RBMS1: variants seen among roughly 807,000 people sequenced by gnomAD.
RBMS1 encodes the protein RNA binding motif single stranded interacting protein 1.
A neutral mutation model predicts 62.3 loss-of-function variants in RBMS1; 17 were observed. The ratio of observed to expected loss-of-function variants is 0.27; its 90% CI spans 0.19 to 0.41. RBMS1 has a LOEUF of 0.41. RBMS1 is among the 10% of genes least tolerant of loss of function. The pLI, the probability that RBMS1 is intolerant of heterozygous loss-of-function variation, is 1.00. For synonymous variants in RBMS1, 172 were observed against 170.0 expected, an observed-to-expected ratio of 1.01 and a Z score of -0.09; for missense variants, 334 against 504.5, an observed-to-expected ratio of 0.66 and a Z score of 3.24.
At chr2:160,318,051 A>T in intron 3 of RBMS1, 118 bp downstream of exon 3, 1 of 1,408,742 alleles carries the variant, frequency 7.1e-7, no homozygotes, top group Non-Finnish European at 9.6e-7. Flanking sequence ...AAACTGGGTG[A>T]TATATAAGAT....
In RBMS1 at chr2:160,275,478, T is replaced by G. The variant is rs530712703; in HGVS notation, c.*7+152A>C. On this transcript the variant is annotated intron_variant, in intron 13 of 13. Coordinates refer to ENST00000348849, the MANE Select transcript of RBMS1 (RefSeq NM_016836.4). ...AATCTTAAATTCATAAAATCACTGATTTTAATATTTCAACAAGACTAGATG... is the reference window on the plus strand; with the variant it reads ...AATCTTAAATTCATAAAATCACTGAGTTTAATATTTCAACAAGACTAGATG... The G allele has an allele frequency of 3.8e-6, 5 of 1,314,362 alleles. No individual in the cohort carries two copies. In the South Asian group the frequency reaches 8.7e-5, roughly 23 times the overall value. The allele number at this position is 1,314,362 out of a possible 1,614,324, so 81.4% of individuals were successfully genotyped here.
intron 1 of RBMS1, among the ~76,000 whole-genome samples, chr2:160,465,807 T>C (rs1684661452): frequency 6.6e-6 from 1 of 151,006 alleles, no homozygotes; most frequent in Admixed American, 6.6e-5. Context: ...AAACTCCAGG[T>C]ACAAAGGGGC....
intron 1 of RBMS1, among the ~76,000 whole-genome samples, chr2:160,396,331 G>A (rs1246014028): frequency 6.6e-6 from 1 of 152,086 alleles, no homozygotes; most frequent in African/African-American, 2.4e-5. Flanking sequence ...AGTAGTTAGA[G>A]GGAGGTGTAA....
chr2:160,355,340 C>A (rs977464277), intron 2 of RBMS1, among the ~76,000 whole-genome samples: 1 of 152,064 alleles, frequency 6.6e-6, no homozygotes, highest in South Asian at 2.1e-4. Flanking sequence ...GTTTAATAGC[C>A]ACACCAAAAG....
chr2:160,284,734 C>T (rs781271416), intron 9 of RBMS1, 41 bp downstream of exon 9: 30 of 1,388,924 alleles, frequency 2.2e-5, no homozygotes, highest in South Asian at 1.2e-4. Flanking sequence ...ATTCATGGTC[C>T]GCAAGTGGTT....
In RBMS1 at chr2:160,421,804, C is replaced by T. The variant is rs565675804; in HGVS notation, c.76-54413G>A. ...TTCTATTTCTCCACATCCTCTCCAGCACCTGTGGTTTCCTGACTTTTTAAT... is the reference window on the plus strand; with the variant it reads ...TTCTATTTCTCCACATCCTCTCCAGTACCTGTGGTTTCCTGACTTTTTAAT... On this transcript the variant is annotated intron_variant, in intron 1 of 13. Transcript: ENST00000348849. Among the ~76,000 whole-genome samples the T allele has an allele frequency of 2.0e-5, 3 of 152,334 alleles. No homozygotes were observed. In the South Asian group the frequency reaches 6.2e-4, roughly 32 times the overall value.
intron 6 of RBMS1, among the ~76,000 whole-genome samples, chr2:160,292,471 C>T (rs1395949596): frequency 1.3e-5 from 2 of 152,170 alleles, no homozygotes; most frequent in Admixed American, 6.6e-5. Context: ...GGTCTAAACA[C>T]TTGGGGACTG....
chr2:160,341,669 TG>T (rs1409850524), intron 2 of RBMS1, among the ~76,000 whole-genome samples: 1 of 152,146 alleles, frequency 6.6e-6, no homozygotes, highest in Admixed American at 6.5e-5. Context: ...CTCCTAGAAA[TG>T]GGTGTTCATA....
intron 2 of RBMS1, among the ~76,000 whole-genome samples, chr2:160,326,473 C>A (rs1205661023): frequency 6.6e-6 from 1 of 151,994 alleles, no homozygotes; most frequent in Non-Finnish European, 1.5e-5. Flanking sequence ...CTCTGTAGGA[C>A]AATAAAGAAT....
intron 1 of RBMS1, among the ~76,000 whole-genome samples, chr2:160,470,684 C>T (rs1329008402): frequency 2.0e-5 from 3 of 152,096 alleles, no homozygotes; most frequent in African/African-American, 7.2e-5. Context: ...CCATCCGTGG[C>T]CCTCATCTTA....
chr2:160,319,830 C>T (rs1358616976), intron 2 of RBMS1, among the ~76,000 whole-genome samples: 1 of 152,172 alleles, frequency 6.6e-6, no homozygotes, highest in Admixed American at 6.5e-5. Flanking sequence ...CACTTCTCTC[C>T]TTCAGTTAAT....
intron 1 of RBMS1, among the ~76,000 whole-genome samples, chr2:160,475,477 C>T (rs988571745): frequency 1.3e-5 from 2 of 152,226 alleles, no homozygotes; most frequent in Non-Finnish European, 2.9e-5. Flanking sequence ...GGCTTCCCCT[C>T]CAGGTTCTGG....
At chr2:160,420,882 C>G (rs910622924) in intron 1 of RBMS1, among the ~76,000 whole-genome samples, 1 of 152,174 alleles carries the variant, frequency 6.6e-6, no homozygotes, top group African/African-American at 2.4e-5. Flanking sequence ...AAAATTATAG[C>G]CTCTTGAGGT....
chr2:160,415,155 T>C (rs1696168508), intron 1 of RBMS1, among the ~76,000 whole-genome samples: 1 of 152,100 alleles, frequency 6.6e-6, no homozygotes, highest in African/African-American at 2.4e-5. Flanking sequence ...TCCATGCCTA[T>C]TGTAAGCCTA....
Position 160,493,325 on chromosome 2 carries a change from G to A in RBMS1, c.39C>T (p.Tyr13=). The A allele has an allele frequency of 6.2e-7, 1 of 1,613,494 alleles. No individual in the cohort carries two copies. Among genetic ancestry groups the A allele is most frequent in the Non-Finnish European group, 8.5e-7 (1 of 1,179,612 alleles). The change falls in exon 1 of 14, where the codon TAC becomes TAT. Residue 13 remains tyrosine, a synonymous_variant. Transcript: ENST00000348849. ...KVWKQQMYPQ[Y]ATYYYPQYLQ... ...GATACTGGGGGTAATAGTAGGTGGC[G>A]TACTGAGGGTACATCTGCTGTTTCC...
chr2:160,477,771 T>C (rs577570913), intron 1 of RBMS1, among the ~76,000 whole-genome samples: 4 of 152,354 alleles, frequency 2.6e-5, no homozygotes, highest in African/African-American at 9.6e-5. Flanking sequence ...ACTTTCCTTT[T>C]AGACTTTATA....
intron 2 of RBMS1, among the ~76,000 whole-genome samples, chr2:160,329,431 G>A (rs1005353007): frequency 6.6e-6 from 1 of 152,100 alleles, no homozygotes; most frequent in Non-Finnish European, 1.5e-5. Context: ...ATAGCCCCCC[G>A]TATTGATTTC....
intron 1 of RBMS1, among the ~76,000 whole-genome samples, chr2:160,491,010 T>C (rs1363879452): frequency 2.6e-5 from 4 of 152,092 alleles, no homozygotes; most frequent in South Asian, 2.1e-4. Flanking sequence ...TTTAGGTAGA[T>C]TAGGCAACAC....
chr2:160,467,354 T>C (rs1684739469), intron 1 of RBMS1, among the ~76,000 whole-genome samples: 1 of 152,190 alleles, frequency 6.6e-6, no homozygotes, highest in Non-Finnish European at 1.5e-5. Flanking sequence ...CCAGGATTTC[T>C]GATTAAACAC....
Sources: allele counts gnomAD v4.1 joint callset (sites outside exome capture counted in the v4.1 genomes callset), GRCh38; gene constraint gnomAD v4.1.1; transcripts MANE v1.5; gene names NCBI Gene and HGNC (gene_info 2026-07-23, HGNC 2026-07-21).